The following KMT5C variants were observed in gnomAD, a reference collection of about 807,000 sequenced individuals.
The protein encoded by KMT5C is histone-lysine N-methyltransferase KMT5C.
Under a neutral mutation model 38.2 loss-of-function variants are expected in KMT5C, and 16 were observed. That is an observed-to-expected ratio of 0.42 (90% CI 0.28 to 0.64). The LOEUF is 0.64. KMT5C is among the 30% of genes least tolerant of loss of function. The pLI is 0.23. For missense variants in KMT5C, 598 were observed against 665.1 expected (o/e 0.90, Z 1.11); for synonymous variants, 291 against 279.0 (o/e 1.04, Z -0.43).
chr19:55,342,974 T>C lies in KMT5C; in HGVS notation c.386+123T>C, dbSNP rs1359914304. 5.9e-6 allele frequency: 4 copies of C among 679,990 alleles called. 1 individual carries two copies. In the East Asian group the frequency reaches 8.2e-5, roughly 14 times the overall value. 42.1% of individuals were successfully genotyped at this position (679,990 alleles called of 1,614,324 possible). A position where few individuals can be genotyped will look rare whatever the true frequency, so the allele number is the denominator to read the frequency against. On this transcript the variant is annotated intron_variant, in intron 4 of 8. Transcript: ENST00000255613. ...AGCGAGGGGCCTGGTCCTCCGGGCATCCTAGGAAGGTGGTGGGGCTAATCC... is the reference window on the plus strand; with the variant it reads ...AGCGAGGGGCCTGGTCCTCCGGGCACCCTAGGAAGGTGGTGGGGCTAATCC...
In KMT5C at chr19:55,346,982, G is replaced by T; in HGVS notation, c.922G>T (p.Ala308Ser). ...CGCCTGCCAGCCCCTGCGCCTGCCA[G>T]CCTGCAGCGCCCGCCCAGACACCTC... ...CAACQPLRLPACSARPDTSPL... is the reference protein window; with the variant it reads ...CAACQPLRLPSCSARPDTSPL... The change falls in exon 9 of 9, where the codon GCC becomes TCC. Residue 308 changes from alanine (A) to serine (S), a missense_variant. By Grantham distance (99) the Ala-to-Ser change is moderately conservative. This residue lies in a region of KMT5C where 326 missense variants were observed against 298.1 expected (regional missense o/e 1.09). Coordinates refer to ENST00000255613, the MANE Select transcript of KMT5C (RefSeq NM_032701.4). 1 of 1,133,100 alleles carries T rather than the reference G, an allele frequency of 8.8e-7. No homozygotes were observed. The allele number at this position is 1,133,100 out of a possible 1,614,324, so 70.2% of individuals were successfully genotyped here. A position where few individuals can be genotyped will look rare whatever the true frequency, so the allele number is the denominator to read the frequency against.
chr19:55,343,529 AG>A lies in KMT5C; in HGVS notation c.387-148del. The stretch of plus-strand genomic sequence containing the variant: ...AAGCCCACCCAGGCAGGAGGGGAAG[AG>A]GGAGATCTGGAAGATGGATCGCCAA... On this transcript the variant is annotated intron_variant, in intron 4 of 8. Coordinates refer to ENST00000255613, the MANE Select transcript of KMT5C (RefSeq NM_032701.4). The surrounding 1 kb of genome is among the most constrained non-coding windows in gnomAD (Gnocchi z 5.5). 1.4e-6 allele frequency: 1 copy of A among 717,356 alleles called. No homozygotes were observed. The highest frequency in any genetic ancestry group is 2.3e-6 in the Non-Finnish European group (1 of 437,656). 44.4% of individuals were successfully genotyped at this position (717,356 alleles called of 1,614,324 possible). A position where few individuals can be genotyped will look rare whatever the true frequency, so the allele number is the denominator to read the frequency against.
intron 1 of KMT5C, among the ~76,000 whole-genome samples, chr19:55,341,325 T>G (rs1281139760): frequency 6.6e-6 from 1 of 151,854 alleles, no homozygotes; most frequent in African/African-American, 2.4e-5. Flanking sequence ...TGCCTGGGGC[T>G]TCACCCGGAG....
Position 55,345,347 on chromosome 19 carries a change from C to A in KMT5C, c.571-866C>A, listed in dbSNP as rs73607027. Reference sequence around the variant, plus strand: ...GGCCAGGGAGCCATGGAAGCTCCCCCCAGGGTGTATAATGGGAAGCTTGGT... The same window carrying A: ...GGCCAGGGAGCCATGGAAGCTCCCCACAGGGTGTATAATGGGAAGCTTGGT... On this transcript the variant is annotated intron_variant, in intron 6 of 8. Coordinates refer to ENST00000255613, the MANE Select transcript of KMT5C (RefSeq NM_032701.4). Among the ~76,000 whole-genome samples the A allele has an allele frequency of 8.3e-3, 1,266 of 152,258 alleles. 22 individuals carry two copies. The highest frequency in any genetic ancestry group is 0.029 in the African/African-American group (1,207 of 41,540).
chr19:55,346,265 A>C lies in KMT5C; in HGVS notation c.623A>C (p.Glu208Ala). ...TGCGTGAAGGTGCTCCGGGACATTG[A>C]GCCTGGGGACGAGGTGACATGCTTC... Reference protein sequence around the residue: ...AACVKVLRDIEPGDEVTCFYG... With the variant: ...AACVKVLRDIAPGDEVTCFYG... Residue 208 changes from glutamate (E) to alanine (A), a missense_variant, in exon 7 of 9, where the codon GAG becomes GCG. Coordinates refer to ENST00000255613, the MANE Select transcript of KMT5C (RefSeq NM_032701.4). The C allele has an allele frequency of 1.2e-6, 2 of 1,613,948 alleles. No individual in the cohort carries two copies. The highest frequency in any genetic ancestry group is 1.7e-6 in the Non-Finnish European group (2 of 1,179,952).
intron 3 of KMT5C, 164 bp from the exon 4 acceptor site, chr19:55,342,578 C>T (rs1290100512): frequency 3.1e-6 from 2 of 641,504 alleles, no homozygotes; most frequent in Non-Finnish European, 5.5e-6. Flanking sequence ...AGATGTAGTC[C>T]AACCTCTTCA....
At position 55,344,156 on chromosome 19, in the gene KMT5C, C is replaced by T. The variant is rs187339443; in HGVS notation, c.570+159C>T. The T allele has an allele frequency of 8.4e-4, 598 of 709,948 alleles. 1 individual carries two copies. In the African/African-American group the frequency reaches 1.0e-2, roughly 12 times the overall value. The allele number at this position is 709,948 out of a possible 1,614,324, so 44.0% of individuals were successfully genotyped here. A position where few individuals can be genotyped will look rare whatever the true frequency, so the allele number is the denominator to read the frequency against. On this transcript the variant is annotated intron_variant, in intron 6 of 8. Coordinates refer to ENST00000255613, the MANE Select transcript of KMT5C (RefSeq NM_032701.4). The stretch of plus-strand genomic sequence containing the variant: ...TTGGGAGGCCGAGGTGGGCAGATCA[C>T]GAGGTCAGGAGATGGAGACCACGGT...
rs543080509 is a variant in KMT5C, at chr19:55,344,030, G to A, written c.570+33G>A. 2.2e-5 allele frequency: 36 copies of A among 1,604,534 alleles called. No homozygotes were observed. In the East Asian group the frequency reaches 4.3e-4, roughly 19 times the overall value. ...CTTGGGACTCGGGAGGAGAGGGCAC[G>A]CAGGAAGAAAGGGTGCCTGTGGCCT... On this transcript the variant is annotated intron_variant, in intron 6 of 8. Transcript: ENST00000255613.
At position 55,346,275 on chromosome 19, in the gene KMT5C, C is replaced by T. The variant is rs761156161; in HGVS notation, c.633C>T (p.Asp211=). 181 of 1,613,860 alleles carry T rather than the reference C, an allele frequency of 1.1e-4. No individual in the cohort carries two copies. Among genetic ancestry groups the T allele is most frequent in the African/African-American group, 2.1e-4 (16 of 74,874 alleles). ...VKVLRDIEPG[D]EVTCFYGEGF... ...TGCTCCGGGACATTGAGCCTGGGGA[C>T]GAGGTGACATGCTTCTACGGCGAGG... Residue 211 remains aspartate, a synonymous_variant, in exon 7 of 9, where the codon GAC becomes GAT. Coordinates refer to ENST00000255613, the MANE Select transcript of KMT5C (RefSeq NM_032701.4).
chr19:55,342,711 G>A (rs372840250), intron 3 of KMT5C, 31 bp from the exon 4 acceptor site: 94 of 1,090,794 alleles, frequency 8.6e-5, no homozygotes, highest in South Asian at 2.6e-4. Flanking sequence ...CCCCTGCCCC[G>A]CCTCCTCACC....
At chr19:55,345,034 C>T (rs574762356) in intron 6 of KMT5C, 99 of 456,216 alleles carry the variant, frequency 2.2e-4, no homozygotes, top group Admixed American at 1.1e-3. Context: ...GGTCTGACAC[C>T]ACACACAGAC....
In KMT5C at chr19:55,343,729, C is replaced by A; in HGVS notation, c.436C>A (p.Arg146=). The change falls in exon 5 of 9, where the codon CGG becomes AGG. Residue 146 remains arginine (R), a synonymous_variant. Coordinates refer to ENST00000255613, the MANE Select transcript of KMT5C (RefSeq NM_032701.4). This position sits in a 1 kb window ranked among gnomAD's most constrained non-coding sequence, Gnocchi z 5.5. ...ELLVGCIAEL[R]EADEGLLRAG... ...GCTGGTGGGCTGCATTGCAGAGCTG[C>A]GGGAGGCAGATGAGGGGCTGCTGAG... The A allele has an allele frequency of 6.3e-7, 1 of 1,579,374 alleles. No individual in the cohort carries two copies. Among genetic ancestry groups the A allele is most frequent in the Non-Finnish European group, 8.6e-7 (1 of 1,162,272 alleles).
chr19:55,342,736 C>T lies in KMT5C; in HGVS notation c.277-6C>T. 6.4e-7 allele frequency: 1 copy of T among 1,555,984 alleles called. No individual in the cohort carries two copies. Among genetic ancestry groups the T allele is most frequent in the Non-Finnish European group, 8.9e-7 (1 of 1,127,518 alleles). ...GCCTCCTCACCCCCACCCTCACCCT[C>T]ACCAGGTCTATCGCTACCTCCGTGC... On this transcript the variant is annotated splice_polypyrimidine_tract_variant and splice_region_variant and intron_variant, in intron 3 of 8. Coordinates refer to ENST00000255613, the MANE Select transcript of KMT5C (RefSeq NM_032701.4).
At chr19:55,346,111 C>A in intron 6 of KMT5C, 102 bp from the exon 7 acceptor site, 1 of 1,443,582 alleles carries the variant, frequency 6.9e-7, no homozygotes, top group Non-Finnish European at 9.5e-7. Context: ...TGCCCCATTC[C>A]AGGAGAGGAC....
intron 6 of KMT5C, chr19:55,344,692 G>A (rs10405176): frequency 0.016 from 8,525 of 519,632 alleles, 579 homozygotes; most frequent in African/African-American, 0.15. Flanking sequence ...AGGCCAGAGA[G>A]CCCCAGGGGC....
chr19:55,344,910 G>A (rs539100092), intron 6 of KMT5C: 13 of 470,864 alleles, frequency 2.8e-5, no homozygotes, highest in African/African-American at 6.0e-5. Context: ...GGGTCCTGGC[G>A]ATGCCACCCC....
chr19:55,344,646 G>A (rs1327374769), intron 6 of KMT5C: 1 of 510,214 alleles, frequency 2.0e-6, no homozygotes, highest in Non-Finnish European at 4.0e-6. Flanking sequence ...GGCCTTGCAG[G>A]GAACAACGCA....
At position 55,342,839 on chromosome 19, in the gene KMT5C, C is replaced by G. The variant is rs2089575027; in HGVS notation, c.374C>G (p.Ser125Cys). The G allele has an allele frequency of 1.9e-6, 3 of 1,597,562 alleles. No individual in the cohort carries two copies. Among genetic ancestry groups the G allele is most frequent in the African/African-American group, 2.7e-5 (2 of 74,582 alleles). ...GAGACCAACGGGGCCAAGATCGTGT[C>G]CACTCGTGCTTGGTAAGAGGGCAGG... ...SMETNGAKIV[S>C]TRAWKKNEKL... The change falls in exon 4 of 9, where the codon TCC becomes TGC. Residue 125 changes from serine (S) to cysteine (C), a missense_variant. Physicochemically the swap from Ser to Cys is moderately radical, Grantham distance 112. Transcript: ENST00000255613.
chr19:55,346,234 G>A lies in KMT5C; in HGVS notation c.592G>A (p.Ala198Thr), dbSNP rs1179391138. 8 of 1,613,938 alleles carry A rather than the reference G, an allele frequency of 5.0e-6. No individual in the cohort carries two copies. Among genetic ancestry groups the A allele is most frequent in the Non-Finnish European group, 5.9e-6 (7 of 1,179,950 alleles). The change falls in exon 7 of 9, where the codon GCA (alanine) becomes ACA (threonine). Residue 198 changes from alanine (A) to threonine (T), a missense_variant. Coordinates refer to ENST00000255613, the MANE Select transcript of KMT5C (RefSeq NM_032701.4). Reference protein sequence around the residue: ...NCKFVPADGNAACVKVLRDIE... With the variant: ...NCKFVPADGNTACVKVLRDIE... ...TCAGTTTGTGCCTGCAGATGGGAAC[G>A]CAGCCTGCGTGAAGGTGCTCCGGGA...
Sources: allele counts gnomAD v4.1 joint callset (sites outside exome capture counted in the v4.1 genomes callset), GRCh38; gene constraint gnomAD v4.1.1; regional missense constraint gnomAD v4.1.1; non-coding constraint Gnocchi (gnomAD v3.1); transcripts MANE v1.5; gene names NCBI Gene and HGNC (gene_info 2026-07-23, HGNC 2026-07-21).